Variants in KRT25 observed in about 807,000 individuals in gnomAD.
The protein encoded by KRT25 is keratin 25, also known as keratin, type I cytoskeletal 25.
Under a neutral mutation model 47.6 loss-of-function variants are expected in KRT25, and 37 were observed. That is an observed-to-expected ratio of 0.78 (90% CI 0.60 to 1.02). The LOEUF is 1.02. Among genes scored for constraint, KRT25 ranks in the 50% least tolerant of loss-of-function variants. The pLI is 0.00. For synonymous variants in KRT25, 203 were observed against 210.2 expected, an observed-to-expected ratio of 0.97 and a Z score of 0.30; for missense variants, 542 against 550.3, an observed-to-expected ratio of 0.98 and a Z score of 0.15.
At position 40,750,451 on chromosome 17, in the gene KRT25, C is replaced by A; in HGVS notation, c.1104G>T (p.Gln368His). 1 of 1,613,980 alleles carries A rather than the reference C, an allele frequency of 6.2e-7. No individual in the cohort carries two copies. Among genetic ancestry groups the A allele is most frequent in the South Asian group, 1.1e-5 (1 of 91,072 alleles). ...ETEGQKLEYEQLLDIKLHLEK... is the reference protein window; with the variant it reads ...ETEGQKLEYEHLLDIKLHLEK... Reference sequence around the variant, plus strand: ...CCAGGTGGAGCTTGATGTCCAGGAGCTGCTCATACTCCAGCTTCTGGCCCT... The same window carrying A: ...CCAGGTGGAGCTTGATGTCCAGGAGATGCTCATACTCCAGCTTCTGGCCCT... Residue 368 changes from glutamine (Q) to histidine (H), a missense_variant, in exon 6 of 8, where the codon CAG becomes CAT. Transcript: ENST00000312150.
At position 40,754,881 on chromosome 17, in the gene KRT25, T is replaced by C; in HGVS notation, c.391A>G (p.Ser131Gly). 1 of 1,614,184 alleles carries C rather than the reference T, an allele frequency of 6.2e-7. No individual in the cohort carries two copies. The highest frequency in any genetic ancestry group is 8.5e-7 in the Non-Finnish European group (1 of 1,180,030). The change falls in exon 1 of 8, where the codon AGC (serine) becomes GGC (glycine). Residue 131 changes from serine to glycine, a missense_variant. By Grantham distance (56) the Ser-to-Gly change is moderately conservative. Transcript: ENST00000312150. ...GSCRGLDHDY[S>G]RYFPIIDDLK... is the part of the protein sequence containing the mutation. ...TCATCAATTATTGGGAAATATCTGC[T>C]ATAGTCATGATCAAGACCACGGCAA...
chr17:40,755,330 C>T lies in KRT25; in HGVS notation c.-59G>A. ...TGTGAAAGCCAGAATGGAGTGCCTT[C>T]TTGTCTAAAAGGTTTGGTTTGCCTT... is the stretch of plus-strand genomic sequence containing the variant. On this transcript the variant is annotated 5_prime_UTR_variant, in exon 1 of 8. Coordinates refer to ENST00000312150, the MANE Select transcript of KRT25 (RefSeq NM_181534.4). 1 of 1,520,032 alleles carries T rather than the reference C, an allele frequency of 6.6e-7. No individual in the cohort carries two copies. Among genetic ancestry groups the T allele is most frequent in the Non-Finnish European group, 8.9e-7 (1 of 1,124,080 alleles). The allele number at this position is 1,520,032 out of a possible 1,614,324, so 94.2% of individuals were successfully genotyped here.
At chr17:40,751,478 G>T in intron 3 of KRT25, 152 bp from the exon 4 acceptor site, 1 of 790,588 alleles carries the variant, frequency 1.3e-6, no homozygotes, top group Non-Finnish European at 1.9e-6. Flanking sequence ...TTCCTGTCCC[G>T]TTGACCTAAT....
chr17:40,750,519 C>T lies in KRT25; in HGVS notation c.1036G>A (p.Gly346Arg), dbSNP rs535652907. Reference sequence around the variant, plus strand: ...TGGTGCAGCTGCTCCTCCAGGGCCCCGATCTGAGCCTGGATCTGCGCCAGC... The same window carrying T: ...TGGTGCAGCTGCTCCTCCAGGGCCCTGATCTGAGCCTGGATCTGCGCCAGC... ...AQLAQIQAQI[G>R]ALEEQLHQVR... The change falls in exon 6 of 8, where the codon GGG becomes AGG. Residue 346 changes from glycine (G) to arginine (R), a missense_variant. Transcript: ENST00000312150. The T allele has an allele frequency of 5.6e-6, 9 of 1,614,052 alleles. No homozygotes were observed. The South Asian group carries it at 7.7e-5, about 14-fold the overall frequency.
intron 6 of KRT25, 138 bp downstream of exon 6, chr17:40,750,242 T>G (rs2038032990): frequency 1.2e-6 from 1 of 804,828 alleles, no homozygotes; most frequent in Admixed American, 2.3e-5. Context: ...CAGTTGAGTA[T>G]GTATTATATT....
At chr17:40,751,948 C>A (rs2038054649) in intron 3 of KRT25, among the ~76,000 whole-genome samples, 1 of 151,530 alleles carries the variant, frequency 6.6e-6, no homozygotes, top group South Asian at 2.1e-4. Flanking sequence ...CCTAAAGAAT[C>A]CCAGCTGTCT....
chr17:40,750,396 T>C lies in KRT25; in HGVS notation c.1159A>G (p.Ile387Val), dbSNP rs1487364562. The C allele has an allele frequency of 3.1e-6, 5 of 1,613,736 alleles. No individual in the cohort carries two copies. Among genetic ancestry groups the C allele is most frequent in the Non-Finnish European group, 4.2e-6 (5 of 1,179,738 alleles). ...TTTACCTACCCATCATCTCCTCCTA[T>C]AAGGAGACAGTAGGTCTCAATTTCT... ...EKEIETYCLL[I>V]GGDDGACKSG... The change falls in exon 6 of 8, where the codon ATA becomes GTA. Residue 387 changes from isoleucine (I) to valine (V), a missense_variant. Transcript: ENST00000312150.
At chr17:40,749,416 CA>C in intron 6 of KRT25, 91 bp from the exon 7 acceptor site, 2 of 928,440 alleles carry the variant, frequency 2.2e-6, no homozygotes, top group Non-Finnish European at 3.5e-6. Flanking sequence ...TTGGTAGTTT[CA>C]ACTGTGTAAC....
chr17:40,749,582 T>C lies in KRT25; in HGVS notation c.1176-257A>G, dbSNP rs1447806358. Among the ~76,000 whole-genome samples, 4 of 152,350 alleles carry C rather than the reference T, an allele frequency of 2.6e-5. No homozygotes were observed. The South Asian group carries it at 8.3e-4, about 32-fold the overall frequency. ...TGTCATGAGATGGTAACAGCAGTTC[T>C]AGCATGCCACTGGGTGTATTTATAC... On this transcript the variant is annotated intron_variant, in intron 6 of 7. Transcript: ENST00000312150.
chr17:40,754,441 T>A lies in KRT25; in HGVS notation c.457A>T (p.Asn153Tyr). Residue 153 changes from asparagine to tyrosine, a missense_variant, in exon 2 of 8, where the codon AAT becomes TAT. By Grantham distance (143) the Asn-to-Tyr change is moderately radical. Transcript: ENST00000312150. The part of the protein sequence containing the change: ...QIIASTTSNA[N>Y]AVLQIDNARL... Reference sequence around the variant, plus strand: ...GCATTATCGATCTGCAGAACAGCATTAGCATTGCTGGTGGTGGATGCGATG... The same window carrying A: ...GCATTATCGATCTGCAGAACAGCATAAGCATTGCTGGTGGTGGATGCGATG... 1 of 1,614,092 alleles carries A rather than the reference T, an allele frequency of 6.2e-7. No individual in the cohort carries two copies. The highest frequency in any genetic ancestry group is 8.5e-7 in the Non-Finnish European group (1 of 1,179,964).
At chr17:40,749,140 A>G in intron 7 of KRT25, 118 bp downstream of exon 7, 4 of 746,918 alleles carry the variant, frequency 5.4e-6, no homozygotes, top group Non-Finnish European at 9.2e-6. Flanking sequence ...AATATGCACA[A>G]CAAACCTCCG....
In KRT25 at chr17:40,754,858, A is replaced by T. The variant is rs746984104; in HGVS notation, c.414T>A (p.Asp138Glu). 4.3e-6 allele frequency: 7 copies of T among 1,611,738 alleles called. No homozygotes were observed. The South Asian group carries it at 5.5e-5, about 13-fold the overall frequency. ...GATTTCTTACCTGATTTTTAAGGTC[A>T]TCAATTATTGGGAAATATCTGCTAT... is the stretch of plus-strand genomic sequence containing the variant. ...HDYSRYFPII[D>E]DLKNQIIAST... Residue 138 changes from aspartate to glutamate, a missense_variant, in exon 1 of 8, where the codon GAT becomes GAA. Physicochemically the swap from Asp to Glu is conservative, Grantham distance 45. Transcript: ENST00000312150.
chr17:40,752,016 T>C (rs1274263197), intron 3 of KRT25, among the ~76,000 whole-genome samples: 1 of 152,086 alleles, frequency 6.6e-6, no homozygotes, highest in East Asian at 1.9e-4. Flanking sequence ...CACGCAGATC[T>C]CTCTGAATTT....
At chr17:40,754,513 A>T in intron 1 of KRT25, 45 bp from the exon 2 acceptor site, 1 of 1,455,684 alleles carries the variant, frequency 6.9e-7, no homozygotes, top group South Asian at 1.1e-5. Flanking sequence ...AACCAACTGA[A>T]TCTACTTAAT....
Position 40,750,614 on chromosome 17 carries a change from A to G in KRT25, c.958-17T>C, listed in dbSNP as rs1230779260. On this transcript the variant is annotated splice_polypyrimidine_tract_variant and intron_variant, in intron 5 of 7. Coordinates refer to ENST00000312150, the MANE Select transcript of KRT25 (RefSeq NM_181534.4). ...GGAGTGTTTCTGTCAGGAAGCAATA[A>G]AGAGAACTTGAAATGGATATGCAGA... The G allele has an allele frequency of 1.7e-5, 27 of 1,613,386 alleles. No individual in the cohort carries two copies. The highest frequency in any genetic ancestry group is 2.7e-5 in the African/African-American group (2 of 74,918).
At chr17:40,754,636 T>C (rs2038087487) in intron 1 of KRT25, among the ~76,000 whole-genome samples, 168 bp from the exon 2 acceptor site, 1 of 146,928 alleles carries the variant, frequency 6.8e-6, no homozygotes, top group African/African-American at 2.6e-5. Flanking sequence ...GAGAATCTCT[T>C]GAACCCAGGA....
chr17:40,748,074 G>C lies in KRT25; in HGVS notation c.*203C>G. On this transcript the variant is annotated 3_prime_UTR_variant, in exon 8 of 8. Coordinates refer to ENST00000312150, the MANE Select transcript of KRT25 (RefSeq NM_181534.4). ...TACAAAGAATTGACAACAGATTTCT[G>C]TAGGATAATCAAATGAGTCATATTT... 2.3e-6 allele frequency: 1 copy of C among 433,092 alleles called. No individual in the cohort carries two copies. The highest frequency in any genetic ancestry group is 4.0e-6 in the Non-Finnish European group (1 of 246,998). 26.8% of individuals were successfully genotyped at this position (433,092 alleles called of 1,614,324 possible). A position where few individuals can be genotyped will look rare whatever the true frequency, so the allele number is the denominator to read the frequency against.
At chr17:40,755,447 G>C (rs2038098580), upstream of KRT25, 2 of 605,592 alleles carry the variant, frequency 3.3e-6, no homozygotes. Context: ...GGCATAATTG[G>C]GTGATTTTTT....
At position 40,751,291 on chromosome 17, in the gene KRT25, G is replaced by T; in HGVS notation, c.705C>A (p.Asn235Lys). 1.2e-6 allele frequency: 2 copies of T among 1,613,806 alleles called. No homozygotes were observed. Among genetic ancestry groups the T allele is most frequent in the African/African-American group, 1.3e-5 (1 of 75,026 alleles). The change falls in exon 4 of 8, where the codon AAC becomes AAA. Residue 235 changes from asparagine to lysine, a missense_variant. By Grantham distance (94) the Asn-to-Lys change is moderately conservative (BLOSUM62 0). Transcript: ENST00000312150. ...GGGCTGCGTTCATCTCCACGTTCAC[G>T]TTGCCTCCAGCTGCGCACTGCAGAA... ...MQVLQCAAGG[N>K]VNVEMNAAPG...
Sources: gnomAD v4.1 joint callset for allele counts (sites outside exome capture counted in the v4.1 genomes callset) on GRCh38, gnomAD v4.1.1 for gene constraint, MANE v1.5 for transcripts, NCBI Gene and HGNC (gene_info 2026-07-23, HGNC 2026-07-21) for gene names.